SCPEP1: variants seen among roughly 807,000 people sequenced by gnomAD.
The protein encoded by SCPEP1 is serine carboxypeptidase 1.
A neutral mutation model predicts 63.8 loss-of-function variants in SCPEP1; 51 were observed. The ratio of observed to expected loss-of-function variants is 0.80; its 90% CI spans 0.64 to 1.01. The LOEUF (loss-of-function observed/expected upper bound fraction) is 1.01. Ranked by LOEUF, SCPEP1 falls within the 50% of genes least tolerant of loss-of-function variation. The pLI, the probability that SCPEP1 is intolerant of heterozygous loss-of-function variation, is 0.00. For synonymous variants in SCPEP1, 204 were observed against 207.8 expected (o/e 0.98, Z 0.16); for missense variants, 499 against 554.9 (o/e 0.90, Z 1.01).
chr17:56,985,298 C>A, intron 2 of SCPEP1, 80 bp from the exon 3 acceptor site: 1 of 1,064,488 alleles, frequency 9.4e-7, no homozygotes, highest in Non-Finnish European at 1.5e-6. Context: ...ACTCATAAAC[C>A]ATCTATAGCA....
intron 11 of SCPEP1, among the ~76,000 whole-genome samples, chr17:57,001,249 C>T (rs1024861528): frequency 6.6e-6 from 1 of 152,200 alleles, no homozygotes; most frequent in African/African-American, 2.4e-5. Context: ...CACCACCTGT[C>T]TCTACCACAA....
chr17:56,996,845 C>A, intron 8 of SCPEP1, 117 bp from the exon 9 acceptor site: 1 of 595,558 alleles, frequency 1.7e-6, no homozygotes, highest in Admixed American at 3.4e-5. Context: ...CTGATCCAAG[C>A]AGATATACAA....
intron 3 of SCPEP1, among the ~76,000 whole-genome samples, chr17:56,986,614 C>T (rs1180584526): frequency 1.3e-5 from 2 of 151,690 alleles, no homozygotes; most frequent in East Asian, 1.9e-4. Flanking sequence ...GGCGCTATCT[C>T]GGCTCGCTGC....
intron 10 of SCPEP1, 38 bp from the exon 11 acceptor site, chr17:57,000,816 AT>A: frequency 6.2e-7 from 1 of 1,612,754 alleles, no homozygotes; most frequent in Non-Finnish European, 8.5e-7. Context: ...GTTTTGGCAG[AT>A]TCCAAGCTAC....
chr17:56,994,379 C>G (rs772130726), intron 6 of SCPEP1, among the ~76,000 whole-genome samples: 2 of 152,218 alleles, frequency 1.3e-5, no homozygotes, highest in African/African-American at 4.8e-5. Flanking sequence ...AACTACTATT[C>G]TCTTTGAGGA....
chr17:56,990,970 C>A, intron 5 of SCPEP1, 129 bp from the exon 6 acceptor site: 1 of 759,804 alleles, frequency 1.3e-6, no homozygotes, highest in Non-Finnish European at 2.4e-6. Flanking sequence ...GGGGGTCTCA[C>A]TACATTGCCT....
chr17:56,981,147 G>A lies in SCPEP1; in HGVS notation c.142G>A (p.Asp48Asn). The change falls in exon 2 of 13, where the codon GAT (aspartate) becomes AAT (asparagine). Residue 48 changes from aspartate to asparagine, a missense_variant. Asp to Asn is a conservative substitution (Grantham distance 23). Coordinates refer to ENST00000262288, the MANE Select transcript of SCPEP1 (RefSeq NM_021626.3). ...EVWDYVTVRK[D>N]AYMFWWLYYA... ...ATGGGATTATGTGACGGTCCGCAAGGATGCCTACATGTTCTGGTGGCTCTA... is the reference window on the plus strand; with the variant it reads ...ATGGGATTATGTGACGGTCCGCAAGAATGCCTACATGTTCTGGTGGCTCTA... 1 of 1,614,182 alleles carries A rather than the reference G, an allele frequency of 6.2e-7. No individual in the cohort carries two copies. Among genetic ancestry groups the A allele is most frequent in the Middle Eastern group, 1.7e-4 (1 of 6,060 alleles).
intron 5 of SCPEP1, among the ~76,000 whole-genome samples, chr17:56,990,758 C>T (rs1218390789): frequency 7.9e-5 from 12 of 152,116 alleles, no homozygotes; most frequent in Admixed American, 4.6e-4. Context: ...CTCAGCCTCC[C>T]GAGTAACTGG....
At chr17:56,995,661 G>A (rs185007219) in intron 8 of SCPEP1, 26 bp downstream of exon 8, 11 of 1,609,986 alleles carry the variant, frequency 6.8e-6, no homozygotes, top group Admixed American at 6.7e-5. Context: ...ACTCAGAGGC[G>A]AGCCTGCTTG....
intron 12 of SCPEP1, 95 bp downstream of exon 12, chr17:57,002,276 G>T: frequency 7.6e-7 from 1 of 1,317,456 alleles, no homozygotes. Flanking sequence ...GGTGGGTCTT[G>T]TAGGAAGTAC....
At chr17:56,984,274 G>T (rs1216105491) in intron 2 of SCPEP1, 1 of 152,288 alleles carries the variant, frequency 6.6e-6, no homozygotes, top group Admixed American at 6.5e-5. Context: ...GCACAGAGAG[G>T]CCATATCCTT....
In SCPEP1 at chr17:56,991,947, C is replaced by A. The variant is rs541412425; in HGVS notation, c.619+776C>A. ...AACAAAACCATCCCTGATTGAGAAC[C>A]ATTGTTCTAACCTAACAAAACGTGA... On this transcript the variant is annotated intron_variant, in intron 6 of 12. Transcript: ENST00000262288. Among the ~76,000 whole-genome samples, 22 of 152,328 alleles carry A rather than the reference C, an allele frequency of 1.4e-4. No homozygotes were observed. The South Asian group carries it at 3.3e-3, about 23-fold the overall frequency.
intron 9 of SCPEP1, 23 bp from the exon 10 acceptor site, chr17:56,998,362 A>T: frequency 6.4e-7 from 1 of 1,555,442 alleles, no homozygotes; most frequent in Non-Finnish European, 8.9e-7. Context: ...CCTTTGACTC[A>T]CTATCTACCA....
chr17:56,996,929 A>C (rs775567644), intron 8 of SCPEP1, 33 bp from the exon 9 acceptor site: 2 of 1,489,710 alleles, frequency 1.3e-6, no homozygotes, highest in Admixed American at 3.7e-5. Flanking sequence ...TAGGAAAATG[A>C]AACAAACAGC....
At chr17:56,982,375 A>G (rs1484064699) in intron 2 of SCPEP1, among the ~76,000 whole-genome samples, 1 of 152,174 alleles carries the variant, frequency 6.6e-6, no homozygotes, top group South Asian at 2.1e-4. Flanking sequence ...CTTTCTGGTG[A>G]GATAGAGCGA....
chr17:56,987,660 GA>G, intron 3 of SCPEP1, 34 bp from the exon 4 acceptor site: 1 of 1,602,206 alleles, frequency 6.2e-7, no homozygotes, highest in Non-Finnish European at 8.5e-7. Flanking sequence ...CCAAATGTCT[GA>G]TTGCAACATT....
chr17:56,985,458 A>C lies in SCPEP1; in HGVS notation c.306A>C (p.Lys102Asn). 1.2e-6 allele frequency: 2 copies of C among 1,613,656 alleles called. No individual in the cohort carries two copies. Among genetic ancestry groups the C allele is most frequent in the Non-Finnish European group, 1.7e-6 (2 of 1,179,558 alleles). ...TTGACAGTGATCTCAAACCACGGAA[A>C]ACCACCTGGGTACAGTGAGGACAGT... ...GPLDSDLKPR[K>N]TTWLQAASLL... is the part of the protein sequence containing the mutation. The change falls in exon 3 of 13, where the codon AAA becomes AAC. Residue 102 changes from lysine (K) to asparagine (N), a missense_variant. Physicochemically the swap from Lys to Asn is moderately conservative, Grantham distance 94. Coordinates refer to ENST00000262288, the MANE Select transcript of SCPEP1 (RefSeq NM_021626.3).
chr17:57,001,663 C>A (rs905155671), intron 11 of SCPEP1, among the ~76,000 whole-genome samples: 5 of 152,218 alleles, frequency 3.3e-5, no homozygotes, highest in Non-Finnish European at 7.3e-5. Context: ...CCCAGGTGAT[C>A]CTTATCACTA....
chr17:56,988,788 A>T (rs1407706266), intron 5 of SCPEP1, among the ~76,000 whole-genome samples: 3 of 152,108 alleles, frequency 2.0e-5, no homozygotes, highest in Admixed American at 6.5e-5. Context: ...AAACATAAAA[A>T]TAAAAATAAT....
Sources: gnomAD v4.1 joint callset for allele counts (sites outside exome capture counted in the v4.1 genomes callset) on GRCh38, gnomAD v4.1.1 for gene constraint, MANE v1.5 for transcripts, NCBI Gene and HGNC (gene_info 2026-07-23, HGNC 2026-07-21) for gene names.